PRKCB: variants seen among roughly 807,000 people sequenced by gnomAD.
PRKCB encodes protein kinase C beta type.
In PRKCB, 13 loss-of-function variants were observed where a neutral mutation model predicts 81.5. The ratio of observed to expected loss-of-function variants is 0.16; its 90% CI spans 0.10 to 0.25. The LOEUF is 0.25. Among genes scored for constraint, PRKCB ranks in the 10% least tolerant of loss-of-function variants. The pLI is 1.00. For missense variants in PRKCB, 509 were observed against 875.7 expected (o/e 0.58, Z 5.29); for synonymous variants, 335 against 321.4 (o/e 1.04, Z -0.45).
At chr16:23,853,979 T>TTTTTTTTTTTTGAG (rs1362156512) in intron 2 of PRKCB, among the ~76,000 whole-genome samples, 1 of 146,800 alleles carries the variant, frequency 6.8e-6, no homozygotes, top group Admixed American at 7.0e-5. Flanking sequence ...AGGCACTTCT[T>TTTTTTTTTTTTGAG]ACATGGCAGC....
intron 2 of PRKCB, among the ~76,000 whole-genome samples, chr16:23,895,435 T>C (rs1437128807): frequency 6.6e-6 from 1 of 152,216 alleles, no homozygotes; most frequent in African/African-American, 2.4e-5. Flanking sequence ...TCACTCTTCC[T>C]AGTTTCTTGA....
At chr16:24,047,119 A>C (rs1965776959) in intron 5 of PRKCB, among the ~76,000 whole-genome samples, 1 of 151,986 alleles carries the variant, frequency 6.6e-6, no homozygotes, top group South Asian at 2.1e-4. Flanking sequence ...TGGGTGGATC[A>C]CAAGGTCAGG....
chr16:24,115,408 G>A (rs1966726245), intron 8 of PRKCB, among the ~76,000 whole-genome samples: 1 of 150,256 alleles, frequency 6.7e-6, no homozygotes, highest in Admixed American at 6.7e-5. Context: ...AAGGATTTTA[G>A]CATTTATCCC....
At chr16:23,979,640 C>T (rs765132507) in intron 2 of PRKCB, among the ~76,000 whole-genome samples, 7 of 150,898 alleles carry the variant, frequency 4.6e-5, no homozygotes, top group African/African-American at 1.5e-4. Flanking sequence ...GACTGAATGG[C>T]GGGGGTGAGG....
intron 3 of PRKCB, among the ~76,000 whole-genome samples, chr16:24,022,660 T>A (rs1019812064): frequency 4.0e-5 from 6 of 151,860 alleles, no homozygotes; most frequent in Non-Finnish European, 5.9e-5. Flanking sequence ...CCCGGCTAAT[T>A]CTTTTTGTAT....
intron 7 of PRKCB, among the ~76,000 whole-genome samples, chr16:24,104,405 C>A (rs1292532030): frequency 1.3e-5 from 2 of 152,108 alleles, no homozygotes; most frequent in Admixed American, 1.3e-4. Context: ...TGAAGAGACA[C>A]TAATGAGCAA....
intron 2 of PRKCB, among the ~76,000 whole-genome samples, chr16:23,890,013 C>T (rs993878095): frequency 3.3e-5 from 5 of 152,120 alleles, no homozygotes; most frequent in Non-Finnish European, 5.9e-5. Context: ...AGGACTTATT[C>T]ACTTATCTAA....
chr16:24,194,900 AAAT>A (rs576830054), intron 16 of PRKCB, among the ~76,000 whole-genome samples: 84 of 152,252 alleles, frequency 5.5e-4, no homozygotes, highest in Middle Eastern at 6.8e-3. Context: ...ACTGAATTAG[AAAT>A]AATAATAAAT....
At chr16:24,131,245 T>C (rs2141935537) in intron 9 of PRKCB, among the ~76,000 whole-genome samples, 1 of 152,350 alleles carries the variant, frequency 6.6e-6, no homozygotes, top group African/African-American at 2.4e-5. Flanking sequence ...TGTCTATGAA[T>C]CTAAGATGAT....
intron 3 of PRKCB, among the ~76,000 whole-genome samples, chr16:24,002,246 A>T (rs532728738): frequency 6.6e-6 from 1 of 152,072 alleles, no homozygotes; most frequent in East Asian, 1.9e-4. Context: ...CCACCAGGCT[A>T]GCTTAGTTTC....
At chr16:23,925,683 A>T (rs1034214943) in intron 2 of PRKCB, among the ~76,000 whole-genome samples, 35 of 152,072 alleles carry the variant, frequency 2.3e-4, no homozygotes, top group South Asian at 1.0e-3. Flanking sequence ...TGTTACATGG[A>T]TATGTTATTT....
At chr16:24,006,087 C>T (rs1213517717) in intron 3 of PRKCB, among the ~76,000 whole-genome samples, 2 of 152,168 alleles carry the variant, frequency 1.3e-5, no homozygotes, top group Non-Finnish European at 2.9e-5. Context: ...CTTCTTCCCT[C>T]TCTCACTTAT....
At chr16:24,160,363 C>T (rs1295129145) in intron 10 of PRKCB, among the ~76,000 whole-genome samples, 1 of 152,134 alleles carries the variant, frequency 6.6e-6, no homozygotes, top group Non-Finnish European at 1.5e-5. Flanking sequence ...AGGAAGGTGA[C>T]ACCTCTTTCT....
At chr16:23,918,302 C>A (rs572119080) in intron 2 of PRKCB, among the ~76,000 whole-genome samples, 1 of 152,234 alleles carries the variant, frequency 6.6e-6, no homozygotes, top group African/African-American at 2.4e-5. Flanking sequence ...CTAGAAGATA[C>A]TTATCTTTTC....
At chr16:24,163,600 C>T (rs568389862) in intron 10 of PRKCB, among the ~76,000 whole-genome samples, 2 of 152,250 alleles carry the variant, frequency 1.3e-5, no homozygotes, top group Non-Finnish European at 2.9e-5. Flanking sequence ...GCTTAGAAAG[C>T]TGAAAACAAA....
chr16:23,841,552 A>G (rs1962264288), intron 2 of PRKCB, among the ~76,000 whole-genome samples: 1 of 151,018 alleles, frequency 6.6e-6, no homozygotes, highest in Non-Finnish European at 1.5e-5. Flanking sequence ...CAGTGACATG[A>G]TCATAGCTCA....
At chr16:23,914,454 G>A (rs74012810) in intron 2 of PRKCB, among the ~76,000 whole-genome samples, 9,241 of 152,192 alleles carry the variant, frequency 0.061, 575 homozygotes, top group African/African-American at 0.16. Context: ...ACCCTGAATT[G>A]GATGCTTGGT....
In PRKCB at chr16:23,926,103, C is replaced by T. The variant is rs189195567; in HGVS notation, c.206-62405C>T. Among the ~76,000 whole-genome samples, 180 of 151,834 alleles carry T rather than the reference C, an allele frequency of 1.2e-3. 2 individuals are homozygous for T. Among genetic ancestry groups the T allele is most frequent in the East Asian group, 0.01 (54 of 5,178 alleles). ...CAGCCTGAGCAACTTGGTGAGACTC[C>T]GGCTCTATAAAAATTAAATTAGCCA... On this transcript the variant is annotated intron_variant, in intron 2 of 16. Coordinates refer to ENST00000643927, the MANE Select transcript of PRKCB (RefSeq NM_002738.7).
At chr16:24,068,486 A>AACAC (rs1555494730) in intron 5 of PRKCB, among the ~76,000 whole-genome samples, 2 of 149,868 alleles carry the variant, frequency 1.3e-5, no homozygotes, top group African/African-American at 5.0e-5. Flanking sequence ...GGAAAAAAAA[A>AACAC]AAAAAACCAC....
Sources: allele counts gnomAD v4.1 joint callset (sites outside exome capture counted in the v4.1 genomes callset), GRCh38; gene constraint gnomAD v4.1.1; transcripts MANE v1.5; gene names NCBI Gene and HGNC (gene_info 2026-07-23, HGNC 2026-07-21).